Variants in TRIM24 observed in about 807,000 individuals in gnomAD.
The protein encoded by TRIM24 is tripartite motif containing 24.
In TRIM24, 29 loss-of-function variants were observed where a neutral mutation model predicts 123.9. The ratio of observed to expected loss-of-function variants is 0.23; its 90% CI spans 0.17 to 0.32. TRIM24 has a LOEUF of 0.32. Among genes scored for constraint, TRIM24 ranks in the 10% least tolerant of loss-of-function variants. The pLI, the probability that TRIM24 is intolerant of heterozygous loss-of-function variation, is 1.00. For missense variants in TRIM24, 932 were observed against 1,295.3 expected (o/e 0.72, Z 4.31); for synonymous variants, 456 against 461.1 (o/e 0.99, Z 0.14).
intron 7 of TRIM24, among the ~76,000 whole-genome samples, chr7:138,546,931 G>A (rs182328608): frequency 6.6e-6 from 1 of 152,170 alleles, no homozygotes; most frequent in East Asian, 1.9e-4. Flanking sequence ...TCTCACTTTT[G>A]GGTATATATT....
At chr7:138,527,857 A>G (rs1796642543) in intron 5 of TRIM24, among the ~76,000 whole-genome samples, 1 of 152,208 alleles carries the variant, frequency 6.6e-6, no homozygotes, top group Non-Finnish European at 1.5e-5. Context: ...CAGCGGATTA[A>G]TATCCAAAGA....
At chr7:138,461,370 G>A (rs1794968305) in intron 1 of TRIM24, 2 of 406,074 alleles carry the variant, frequency 4.9e-6, no homozygotes, top group Middle Eastern at 3.8e-4. Flanking sequence ...AGGGAGGGAT[G>A]AAGATGAAGT....
intron 4 of TRIM24, among the ~76,000 whole-genome samples, chr7:138,522,218 C>A (rs1309052873): frequency 6.6e-6 from 1 of 152,006 alleles, no homozygotes; most frequent in East Asian, 1.9e-4. Flanking sequence ...CACCTGTAAT[C>A]CCAGCTACTC....
rs549832552 is a variant in TRIM24 at position 138,460,401 on chromosome 7, C to G, written c.-148C>G. 2 of 865,912 alleles carry G rather than the reference C, an allele frequency of 2.3e-6. No homozygotes were observed. Among genetic ancestry groups the G allele is most frequent in the Non-Finnish European group, 3.1e-6 (2 of 652,372 alleles). The allele number at this position is 865,912 out of a possible 1,614,324, so 53.6% of individuals were successfully genotyped here. A position where few individuals can be genotyped will look rare whatever the true frequency, so the allele number is the denominator to read the frequency against. On this transcript the variant is annotated 5_prime_UTR_variant, in exon 1 of 19. Transcript: ENST00000343526. ...CCCGTGGGCCTGAGGAGGCTTCCCC[C>G]GCCCGGTTTGCTTTCCCTCCCTCGC...
At chr7:138,539,230 A>G (rs1363266601) in intron 7 of TRIM24, among the ~76,000 whole-genome samples, 1 of 152,130 alleles carries the variant, frequency 6.6e-6, no homozygotes, top group African/African-American at 2.4e-5. Context: ...GTCTAACATC[A>G]CACAATATGA....
At chr7:138,484,093 TC>T (rs1795592575) in intron 1 of TRIM24, among the ~76,000 whole-genome samples, 2 of 152,126 alleles carry the variant, frequency 1.3e-5, no homozygotes, top group South Asian at 4.1e-4. Context: ...TGTGAGTGTA[TC>T]TTTTTGATCA....
At chr7:138,535,779 G>A (rs1302266682) in intron 6 of TRIM24, among the ~76,000 whole-genome samples, 4 of 152,120 alleles carry the variant, frequency 2.6e-5, no homozygotes, top group East Asian at 1.9e-4. Context: ...CTAGGTTGGC[G>A]AAGTTCTCCT....
At chr7:138,545,438 A>G (rs771019139) in intron 7 of TRIM24, 8 of 456,880 alleles carry the variant, frequency 1.8e-5, no homozygotes, top group South Asian at 9.3e-5. Flanking sequence ...TAAGTAAGTA[A>G]ATATATTGAA....
chr7:138,515,144 C>G, intron 2 of TRIM24, 68 bp from the exon 3 acceptor site: 1 of 1,516,522 alleles, frequency 6.6e-7, no homozygotes, highest in Non-Finnish European at 9.0e-7. Flanking sequence ...GTATCATGTA[C>G]GCATAGCTCG....
At chr7:138,573,408 G>A (rs1245271281) in intron 11 of TRIM24, 99 bp from the exon 12 acceptor site, 14 of 1,109,926 alleles carry the variant, frequency 1.3e-5, no homozygotes, top group Admixed American at 3.4e-5. Flanking sequence ...TTTGTTATTC[G>A]ATAATAATTA....
At chr7:138,474,150 G>A (rs1795346460) in intron 1 of TRIM24, among the ~76,000 whole-genome samples, 1 of 147,340 alleles carries the variant, frequency 6.8e-6, no homozygotes, top group South Asian at 2.1e-4. Context: ...TTTTGAGACG[G>A]AGTCTTGCTG....
intron 1 of TRIM24, among the ~76,000 whole-genome samples, chr7:138,489,564 C>G (rs1795732403): frequency 6.6e-6 from 1 of 152,132 alleles, no homozygotes; most frequent in Non-Finnish European, 1.5e-5. Flanking sequence ...AATCTCTCAG[C>G]ATTTTCTTGT....
intron 12 of TRIM24, among the ~76,000 whole-genome samples, chr7:138,574,106 A>G (rs1286241674): frequency 6.6e-6 from 1 of 152,138 alleles, no homozygotes; most frequent in South Asian, 2.1e-4. Context: ...AGAACTTCTC[A>G]CCATTATAGT....
At chr7:138,504,431 CT>C in intron 2 of TRIM24, 23 bp downstream of exon 2, 2 of 878,576 alleles carry the variant, frequency 2.3e-6, no homozygotes, top group South Asian at 2.2e-5. Context: ...CATCTTGAAC[CT>C]TTTGCCTGCC....
chr7:138,526,526 C>T (rs547563254), intron 5 of TRIM24, among the ~76,000 whole-genome samples: 63 of 152,154 alleles, frequency 4.1e-4, no homozygotes, highest in African/African-American at 1.4e-3. Context: ...TCACTGCAAC[C>T]TCTGCCTCCT....
At chr7:138,520,110 G>T (rs907741983) in intron 4 of TRIM24, among the ~76,000 whole-genome samples, 1 of 152,200 alleles carries the variant, frequency 6.6e-6, no homozygotes, top group Non-Finnish European at 1.5e-5. Context: ...GGCTAAGAAT[G>T]GTGGGGGCCT....
At chr7:138,482,535 C>A (rs933604875) in intron 1 of TRIM24, among the ~76,000 whole-genome samples, 4 of 152,136 alleles carry the variant, frequency 2.6e-5, no homozygotes, top group African/African-American at 9.7e-5. Flanking sequence ...GCACATCGTA[C>A]ACATATGCCT....
chr7:138,460,280 G>A lies in TRIM24; in HGVS notation c.-269G>A. On this transcript the variant is annotated 5_prime_UTR_variant, in exon 1 of 19. Transcript: ENST00000343526. Reference sequence around the variant, plus strand: ...GGGCGTATTCCACGAGCGCCTCGGCGGTTGGCGAAGCGGACGGGGTGCAGC... The same window carrying A: ...GGGCGTATTCCACGAGCGCCTCGGCAGTTGGCGAAGCGGACGGGGTGCAGC... 2.7e-6 allele frequency: 1 copy of A among 371,026 alleles called. No homozygotes were observed. Among genetic ancestry groups the A allele is most frequent in the Non-Finnish European group, 4.8e-6 (1 of 208,928 alleles). 23.0% of individuals were successfully genotyped at this position (371,026 alleles called of 1,614,324 possible).
chr7:138,474,963 T>G (rs1795364127), intron 1 of TRIM24, among the ~76,000 whole-genome samples: 2 of 152,214 alleles, frequency 1.3e-5, no homozygotes, highest in South Asian at 4.1e-4. Context: ...AGTATATACT[T>G]GTTATGCACC....
Sources: allele counts gnomAD v4.1 joint callset (sites outside exome capture counted in the v4.1 genomes callset), GRCh38; gene constraint gnomAD v4.1.1; transcripts MANE v1.5; gene names NCBI Gene and HGNC (gene_info 2026-07-23, HGNC 2026-07-21).